Variants in NAALADL2 observed in about 807,000 individuals in gnomAD.
NAALADL2 encodes inactive N-acetylated-alpha-linked acidic dipeptidase-like protein 2.
NAALADL2 carries 76 observed loss-of-function variants against 87.2 expected under a neutral mutation model. The observed-to-expected ratio is 0.87, with a 90% CI of 0.72 to 1.05. NAALADL2 has a LOEUF of 1.05. Ranked by LOEUF, NAALADL2 falls within the 50% of genes least tolerant of loss-of-function variation. The pLI is 0.00. For missense variants in NAALADL2, 1,089 were observed against 945.8 expected (o/e 1.15, Z -1.99); for synonymous variants, 354 against 331.0 (o/e 1.07, Z -0.75).
chr3:174,478,786 A>G (rs191445303), intron 1 of NAALADL2, among the ~76,000 whole-genome samples: 1 of 152,252 alleles, frequency 6.6e-6, no homozygotes, highest in East Asian at 1.9e-4. Flanking sequence ...ATCTTGGCTC[A>G]CTTCAATCTC....
At chr3:175,440,179 A>G (rs1719492628) in intron 5 of NAALADL2, among the ~76,000 whole-genome samples, 1 of 152,068 alleles carries the variant, frequency 6.6e-6, no homozygotes, top group Non-Finnish European at 1.5e-5. Flanking sequence ...TTCTTTGTTG[A>G]AGATCAGTTG....
intron 5 of NAALADL2, among the ~76,000 whole-genome samples, chr3:175,354,873 C>CATACAT (rs1553872128): frequency 9.3e-6 from 1 of 108,060 alleles, no homozygotes; most frequent in Admixed American, 9.4e-5. Context: ...TACATACATA[C>CATACAT]ATATATATAC....
intron 2 of NAALADL2, among the ~76,000 whole-genome samples, chr3:175,114,923 T>G (rs1724845085): frequency 6.6e-6 from 1 of 151,650 alleles, no homozygotes; most frequent in African/African-American, 2.4e-5. Context: ...AACTTTATAG[T>G]TTTGTTTTCT....
intron 1 of NAALADL2, among the ~76,000 whole-genome samples, chr3:174,976,771 A>G (rs1240795543): frequency 6.6e-6 from 1 of 152,250 alleles, no homozygotes; most frequent in South Asian, 2.1e-4. Flanking sequence ...GAAATTCATT[A>G]TGTGATACTG....
chr3:175,159,596 C>T (rs962241966), intron 2 of NAALADL2, among the ~76,000 whole-genome samples: 6 of 151,952 alleles, frequency 3.9e-5, no homozygotes, highest in Non-Finnish European at 8.8e-5. Context: ...GGGATAACAC[C>T]AATGATTTTT....
At chr3:175,546,708 A>G (rs1041029391) in intron 9 of NAALADL2, among the ~76,000 whole-genome samples, 2 of 152,088 alleles carry the variant, frequency 1.3e-5, no homozygotes, top group Non-Finnish European at 2.9e-5. Flanking sequence ...ATTGACCCAC[A>G]GTTTCTTCTG....
intron 3 of NAALADL2, among the ~76,000 whole-genome samples, chr3:174,743,885 G>A (rs1019178773): frequency 7.3e-5 from 11 of 151,700 alleles, no homozygotes; most frequent in Non-Finnish European, 1.3e-4. Context: ...ATGAATAAAA[G>A]CTTTCATTAT....
chr3:175,583,428 G>C (rs560892729), intron 10 of NAALADL2, among the ~76,000 whole-genome samples: 2 of 150,268 alleles, frequency 1.3e-5, no homozygotes, highest in Non-Finnish European at 3.0e-5. Flanking sequence ...CTTGTGAATC[G>C]TGAATATGAA....
Position 175,706,346 on chromosome 3 carries a change from G to T in NAALADL2, c.1897-30960G>T, listed in dbSNP as rs556919391. Among the ~76,000 whole-genome samples the T allele has an allele frequency of 7.9e-5, 12 of 152,120 alleles. 1 individual carries two copies. The South Asian group carries it at 2.5e-3, about 32-fold the overall frequency. On this transcript the variant is annotated intron_variant, in intron 11 of 13. Transcript: ENST00000454872. ...ATAATGTTTTTTCTATGCATACTTA[G>T]TTATGGTAAAGGTCAATTTGTAAAT...
intron 2 of NAALADL2, among the ~76,000 whole-genome samples, chr3:174,727,266 T>C (rs1732289496): frequency 1.8e-4 from 1 of 5,660 alleles, no homozygotes; most frequent in Non-Finnish European, 4.2e-4. Flanking sequence ...AAGCCTGAAT[T>C]GAATTCCACT....
At chr3:175,026,761 G>T (rs929338081) in intron 1 of NAALADL2, among the ~76,000 whole-genome samples, 1 of 152,066 alleles carries the variant, frequency 6.6e-6, no homozygotes, top group African/African-American at 2.4e-5. Context: ...GTGTTGCAGA[G>T]ATCCTAAACT....
At chr3:175,375,338 C>T (rs988906662) in intron 5 of NAALADL2, among the ~76,000 whole-genome samples, 3 of 151,966 alleles carry the variant, frequency 2.0e-5, no homozygotes, top group Non-Finnish European at 4.4e-5. Flanking sequence ...AGAATTTTTA[C>T]TGGGATTGTG....
intron 9 of NAALADL2, among the ~76,000 whole-genome samples, chr3:175,509,129 G>GA (rs1282855623): frequency 8.1e-5 from 12 of 147,664 alleles, no homozygotes; most frequent in East Asian, 3.9e-4. Context: ...AAAAAAAAAA[G>GA]AAAAAAAAAG....
chr3:174,450,042 CACACAT>C (rs1715372819), intron 1 of NAALADL2, among the ~76,000 whole-genome samples: 2 of 152,142 alleles, frequency 1.3e-5, no homozygotes, highest in African/African-American at 4.8e-5. Flanking sequence ...CACACACACA[CACACAT>C]ATAGTTTCTT....
intron 9 of NAALADL2, among the ~76,000 whole-genome samples, chr3:175,571,791 G>C (rs1718118931): frequency 6.6e-6 from 1 of 152,144 alleles, no homozygotes; most frequent in South Asian, 2.1e-4. Context: ...AAATGACCTT[G>C]GGAAAAAGAA....
chr3:175,473,782 T>A (rs939135726), intron 9 of NAALADL2, among the ~76,000 whole-genome samples: 3 of 152,112 alleles, frequency 2.0e-5, no homozygotes, highest in African/African-American at 7.2e-5. Context: ...AAAGCCTTTT[T>A]TTGAAATAAA....
chr3:175,016,792 T>C (rs1750879769), intron 1 of NAALADL2, among the ~76,000 whole-genome samples: 1 of 151,998 alleles, frequency 6.6e-6, no homozygotes, highest in Non-Finnish European at 1.5e-5. Flanking sequence ...TATCTTTTAT[T>C]GATACATAAT....
intron 5 of NAALADL2, among the ~76,000 whole-genome samples, chr3:175,403,866 T>A (rs1049979476): frequency 1.3e-5 from 2 of 152,070 alleles, no homozygotes; most frequent in Non-Finnish European, 2.9e-5. Flanking sequence ...ATCCTATGAG[T>A]TCATTAATAT....
chr3:174,846,681 A>T (rs1293228140), intron 3 of NAALADL2, among the ~76,000 whole-genome samples: 5 of 152,168 alleles, frequency 3.3e-5, no homozygotes, highest in Non-Finnish European at 7.4e-5. Flanking sequence ...AATATTAAGT[A>T]CACTTGGGGA....
Sources: gnomAD v4.1 joint callset for allele counts (sites outside exome capture counted in the v4.1 genomes callset) on GRCh38, gnomAD v4.1.1 for gene constraint, MANE v1.5 for transcripts, NCBI Gene and HGNC (gene_info 2026-07-23, HGNC 2026-07-21) for gene names.